Variants in DCTN5 observed in about 807,000 individuals in gnomAD.
DCTN5 encodes the protein dynactin subunit 5.
In DCTN5, 14 loss-of-function variants were observed where a neutral mutation model predicts 23.5. The ratio of observed to expected loss-of-function variants is 0.60; its 90% CI spans 0.39 to 0.93. The LOEUF is 0.93. Ranked by LOEUF, DCTN5 falls within the 40% of genes least tolerant of loss-of-function variation. The pLI, the probability that DCTN5 is intolerant of heterozygous loss-of-function variation, is 0.00. For missense variants in DCTN5, 156 were observed against 225.9 expected (o/e 0.69, Z 1.98); for synonymous variants, 67 against 79.6 (o/e 0.84, Z 0.84).
At position 23,667,041 on chromosome 16, in the gene DCTN5, C is replaced by A. The variant is rs369239657; in HGVS notation, c.452-6C>A. ...GCTCCTTAGAGCTGGGTCTTTCTTT[C>A]CCCAGGACTCTTCTCAGGGGAGCTC... On this transcript the variant is annotated splice_polypyrimidine_tract_variant and splice_region_variant and intron_variant, in intron 5 of 5. Coordinates refer to ENST00000300087, the MANE Select transcript of DCTN5 (RefSeq NM_032486.4). 3 of 1,613,730 alleles carry A rather than the reference C, an allele frequency of 1.9e-6. No homozygotes were observed. The highest frequency in any genetic ancestry group is 2.5e-6 in the Non-Finnish European group (3 of 1,179,990).
At chr16:23,655,903 T>C (rs536583397) in intron 2 of DCTN5, among the ~76,000 whole-genome samples, 1 of 152,060 alleles carries the variant, frequency 6.6e-6, no homozygotes, top group Non-Finnish European at 1.5e-5. Flanking sequence ...AATACTTCAG[T>C]GTGTCTTACT....
At position 23,668,795 on chromosome 16, in the gene DCTN5, T is replaced by C. The variant is rs8062636; in HGVS notation, c.*1651T>C. ...ACCTGCATCCTCCTAGCTTGGGGGC[T>C]CTGAATGAAAGGTTTCTTCCCTTCC... On this transcript the variant is annotated 3_prime_UTR_variant, in exon 6 of 6. Coordinates refer to ENST00000300087, the MANE Select transcript of DCTN5 (RefSeq NM_032486.4). The C allele has an allele frequency of 0.063, 9,640 of 152,234 alleles. 643 individuals carry two copies. Among genetic ancestry groups the C allele is most frequent in the African/African-American group, 0.16 (6,720 of 41,506 alleles). 9.4% of individuals were successfully genotyped at this position (152,234 alleles called of 1,614,324 possible).
intron 4 of DCTN5, 78 bp downstream of exon 4, chr16:23,661,359 T>A: frequency 2.0e-6 from 2 of 1,001,992 alleles, no homozygotes; most frequent in Non-Finnish European, 3.1e-6. Flanking sequence ...GGGACCCTGT[T>A]TCTGTGACTA....
rs1967800858 is a variant in DCTN5 at position 23,661,094 on chromosome 16, A to C, written c.237-76A>C. 5 of 938,440 alleles carry C rather than the reference A, an allele frequency of 5.3e-6. No individual in the cohort carries two copies. In the African/African-American group the frequency reaches 8.2e-5, roughly 15 times the overall value. The allele number at this position is 938,440 out of a possible 1,614,324, so 58.1% of individuals were successfully genotyped here. A position where few individuals can be genotyped will look rare whatever the true frequency, so the allele number is the denominator to read the frequency against. On this transcript the variant is annotated intron_variant, in intron 3 of 5. Coordinates refer to ENST00000300087, the MANE Select transcript of DCTN5 (RefSeq NM_032486.4). ...CTAAGATGATAAAGTTCAAATTATG[A>C]TCTGTAGTTCTATAAACCTTGACCC...
At chr16:23,643,053 A>G (rs755872761) in intron 2 of DCTN5, 30 bp downstream of exon 2, 1 of 1,601,030 alleles carries the variant, frequency 6.2e-7, no homozygotes, top group South Asian at 1.1e-5. Context: ...CCAGGCTGCA[A>G]ACCTTAGCTT....
At chr16:23,649,955 A>G (rs1284945952) in intron 2 of DCTN5, among the ~76,000 whole-genome samples, 2 of 151,590 alleles carry the variant, frequency 1.3e-5, no homozygotes, top group African/African-American at 4.9e-5. Context: ...TATTGAAGAG[A>G]TTGTCCTTTT....
At position 23,671,096 on chromosome 16, in the gene DCTN5, AGT is replaced by A. The variant is rs1455257977; in HGVS notation, c.*3956_*3957del. Reference sequence around the variant, plus strand: ...TTTGAGAGCCATCATAGTGGTGAGGAGTGTGAGTGCTAGAGTCAGGCTGATCA... The same window carrying A: ...TTTGAGAGCCATCATAGTGGTGAGGAGTGAGTGCTAGAGTCAGGCTGATCA... On this transcript the variant is annotated 3_prime_UTR_variant, in exon 6 of 6. Transcript: ENST00000300087. 1.3e-5 allele frequency: 2 copies of A among 152,162 alleles called. No individual in the cohort carries two copies. The highest frequency in any genetic ancestry group is 2.4e-5 in the African/African-American group (1 of 41,436). 9.4% of individuals were successfully genotyped at this position (152,162 alleles called of 1,614,324 possible).
At chr16:23,641,753 C>T (rs541785594) in intron 1 of DCTN5, among the ~76,000 whole-genome samples, 163 bp downstream of exon 1, 91 of 152,088 alleles carry the variant, frequency 6.0e-4, no homozygotes, top group Non-Finnish European at 1.2e-3. Context: ...TTGCTGTTTA[C>T]TCCGCGCTTG....
chr16:23,656,664 T>G (rs1191494481), intron 2 of DCTN5, among the ~76,000 whole-genome samples: 1 of 151,986 alleles, frequency 6.6e-6, no homozygotes, highest in African/African-American at 2.4e-5. Context: ...TATATATTTT[T>G]ACTATTTATT....
At chr16:23,647,836 TG>T (rs1298401872) in intron 2 of DCTN5, among the ~76,000 whole-genome samples, 3 of 152,136 alleles carry the variant, frequency 2.0e-5, no homozygotes, top group Non-Finnish European at 4.4e-5. Flanking sequence ...ATGTTTAATT[TG>T]GCAATATTTT....
intron 2 of DCTN5, among the ~76,000 whole-genome samples, chr16:23,643,927 A>G (rs1423572942): frequency 6.6e-6 from 1 of 152,060 alleles, no homozygotes; most frequent in East Asian, 1.9e-4. Flanking sequence ...TTTTCCTGCC[A>G]TCTGGAACAC....
At chr16:23,644,349 G>A (rs1283965715) in intron 2 of DCTN5, among the ~76,000 whole-genome samples, 6 of 142,372 alleles carry the variant, frequency 4.2e-5, no homozygotes, top group Admixed American at 1.5e-4. Context: ...TGCCCAGGTT[G>A]GAGTGCAGTG....
rs769325076 is a variant in DCTN5, at chr16:23,665,699, C to T, written c.422C>T (p.Pro141Leu). 1.9e-6 allele frequency: 3 copies of T among 1,614,124 alleles called. No individual in the cohort carries two copies. In the East Asian group the frequency reaches 6.7e-5, roughly 36 times the overall value. Residue 141 changes from proline to leucine, a missense_variant, in exon 5 of 6, where the codon CCA becomes CTA. By Grantham distance (98) the Pro-to-Leu change is moderately conservative. Around this residue, in one of 2 missense-constraint regions of DCTN5, gnomAD observed 153 missense variants for 206.8 expected, o/e 0.74. Coordinates refer to ENST00000300087, the MANE Select transcript of DCTN5 (RefSeq NM_032486.4). ...NTVLPPETVVPPFTVFSGCPG... is the reference protein window; with the variant it reads ...NTVLPPETVVLPFTVFSGCPG... ...GTATTACCTCCAGAAACTGTGGTTCCACCATTCACTGTCTTCTCAGGCTGC... is the reference window on the plus strand; with the variant it reads ...GTATTACCTCCAGAAACTGTGGTTCTACCATTCACTGTCTTCTCAGGCTGC...
At chr16:23,664,355 A>C (rs1007332240) in intron 4 of DCTN5, among the ~76,000 whole-genome samples, 1 of 152,228 alleles carries the variant, frequency 6.6e-6, no homozygotes, top group Non-Finnish European at 1.5e-5. Context: ...TTAGCAATCT[A>C]CCTTTTCCTA....
intron 2 of DCTN5, among the ~76,000 whole-genome samples, chr16:23,654,207 A>T (rs1567231239): frequency 6.6e-6 from 1 of 152,242 alleles, no homozygotes; most frequent in Non-Finnish European, 1.5e-5. Flanking sequence ...TCATTCTATT[A>T]TAAAGACATG....
At chr16:23,656,176 A>G (rs1967700127) in intron 2 of DCTN5, among the ~76,000 whole-genome samples, 1 of 152,180 alleles carries the variant, frequency 6.6e-6, no homozygotes, top group Admixed American at 6.5e-5. Flanking sequence ...ACAGTGAGCC[A>G]TGATCATGCC....
rs186314288 is a variant in DCTN5, at chr16:23,672,254, G to T, written c.*5110G>T. 1.3e-5 allele frequency: 2 copies of T among 152,178 alleles called. No individual in the cohort carries two copies. The highest frequency in any genetic ancestry group is 4.2e-4 in the South Asian group (2 of 4,814). 9.4% of individuals were successfully genotyped at this position (152,178 alleles called of 1,614,324 possible). The stretch of plus-strand genomic sequence containing the variant: ...AAACAACTGTCAAAACCATGTGCCT[G>T]TACTATTTGGAGTGCTGTCCTTGCA... On this transcript the variant is annotated 3_prime_UTR_variant, in exon 6 of 6. Coordinates refer to ENST00000300087, the MANE Select transcript of DCTN5 (RefSeq NM_032486.4).
intron 1 of DCTN5, 39 bp from the exon 2 acceptor site, chr16:23,642,916 T>A (rs375849466): frequency 6.3e-6 from 10 of 1,582,010 alleles, no homozygotes; most frequent in Non-Finnish European, 7.0e-6. Flanking sequence ...AGAAACCTAT[T>A]AAGTTTGCTT....
chr16:23,647,468 A>G lies in DCTN5; in HGVS notation c.117+4445A>G, dbSNP rs148595741. 4.6e-4 allele frequency among the ~76,000 whole-genome samples: 69 copies of G among 149,410 alleles called. No homozygotes were observed. The East Asian group carries it at 0.013, about 27-fold the overall frequency. ...TCTTCCATGTTTGTTCTTTTATAAG[A>G]TTGTTTTGCCTATTGAGGGCTGTTT... On this transcript the variant is annotated intron_variant, in intron 2 of 5. Coordinates refer to ENST00000300087, the MANE Select transcript of DCTN5 (RefSeq NM_032486.4).
Sources: allele counts gnomAD v4.1 joint callset (sites outside exome capture counted in the v4.1 genomes callset), GRCh38; gene constraint gnomAD v4.1.1; regional missense constraint gnomAD v4.1.1; transcripts MANE v1.5; gene names NCBI Gene and HGNC (gene_info 2026-07-23, HGNC 2026-07-21).